The following CDKAL1 variants were observed in gnomAD, a reference collection of about 807,000 sequenced individuals.
The protein encoded by CDKAL1 is CDKAL1 threonylcarbamoyladenosine tRNA methylthiotransferase.
Under a neutral mutation model 68.2 loss-of-function variants are expected in CDKAL1, and 32 were observed. The observed-to-expected ratio is 0.47, with a 90% CI of 0.35 to 0.63. The LOEUF is 0.63. Ranked by LOEUF, CDKAL1 falls within the 30% of genes least tolerant of loss-of-function variation. CDKAL1 has a pLI of 0.00. For synonymous variants in CDKAL1, 234 were observed against 244.3 expected, an observed-to-expected ratio of 0.96 and a Z score of 0.39; for missense variants, 606 against 696.7, an observed-to-expected ratio of 0.87 and a Z score of 1.47.
At chr6:20,874,406 C>T (rs139141718) in intron 9 of CDKAL1, among the ~76,000 whole-genome samples, 6,406 of 151,974 alleles carry the variant, frequency 0.042, 207 homozygotes, top group Admixed American at 0.091. Flanking sequence ...TGGGTTCAGG[C>T]GATTCTCCTG....
At chr6:20,872,133 A>G (rs1198348445) in intron 9 of CDKAL1, among the ~76,000 whole-genome samples, 6 of 152,184 alleles carry the variant, frequency 3.9e-5, no homozygotes, top group Admixed American at 3.9e-4. Flanking sequence ...ATGTTTAAAA[A>G]CATAACCAAC....
chr6:20,958,752 G>A (rs1243317338), intron 10 of CDKAL1, among the ~76,000 whole-genome samples: 1 of 152,150 alleles, frequency 6.6e-6, no homozygotes, highest in Non-Finnish European at 1.5e-5. Flanking sequence ...TGGGAAGACA[G>A]CCTTCTTGTG....
chr6:20,736,757 G>A (rs1336404829), intron 5 of CDKAL1, among the ~76,000 whole-genome samples: 1 of 150,800 alleles, frequency 6.6e-6, no homozygotes, highest in Admixed American at 6.6e-5. Context: ...GGGCCACAGA[G>A]CGAGACTCTG....
At chr6:20,834,985 G>C (rs1440693246) in intron 8 of CDKAL1, among the ~76,000 whole-genome samples, 1 of 152,150 alleles carries the variant, frequency 6.6e-6, no homozygotes. Flanking sequence ...TTGACACACT[G>C]TGTAGTGTTG....
At chr6:21,037,503 A>G (rs1769657424) in intron 11 of CDKAL1, among the ~76,000 whole-genome samples, 1 of 152,224 alleles carries the variant, frequency 6.6e-6, no homozygotes, top group African/African-American at 2.4e-5. Flanking sequence ...TATCAGTTAC[A>G]GGATCTCAAG....
intron 5 of CDKAL1, among the ~76,000 whole-genome samples, chr6:20,730,382 G>GA (rs1448965533): frequency 7.3e-6 from 1 of 137,690 alleles, no homozygotes; most frequent in Non-Finnish European, 1.5e-5. Flanking sequence ...AGCCCGACCC[G>GA]AAAAAAAAGG....
At chr6:20,974,757 T>C (rs775505737) in intron 10 of CDKAL1, among the ~76,000 whole-genome samples, 9 of 151,386 alleles carry the variant, frequency 5.9e-5, no homozygotes, top group Non-Finnish European at 1.3e-4. Flanking sequence ...GGCTGACAGA[T>C]TGCTTGAGCT....
chr6:20,921,170 C>G (rs75528041), intron 9 of CDKAL1, among the ~76,000 whole-genome samples: 1 of 152,196 alleles, frequency 6.6e-6, no homozygotes, highest in African/African-American at 2.4e-5. Flanking sequence ...GTGGCTCATG[C>G]CTGTAATCTC....
intron 13 of CDKAL1, among the ~76,000 whole-genome samples, chr6:21,176,456 C>T (rs893243501): frequency 6.6e-6 from 1 of 152,218 alleles, no homozygotes; most frequent in African/African-American, 2.4e-5. Context: ...AAATATGCAG[C>T]TCATCTCTTC....
At chr6:20,864,553 C>T (rs370906485) in intron 9 of CDKAL1, among the ~76,000 whole-genome samples, 11 of 152,182 alleles carry the variant, frequency 7.2e-5, no homozygotes, top group African/African-American at 2.6e-4. Flanking sequence ...CTAACTGTGA[C>T]TGATAGCAAG....
chr6:21,049,948 A>G (rs539505864), intron 11 of CDKAL1, among the ~76,000 whole-genome samples: 6 of 152,212 alleles, frequency 3.9e-5, no homozygotes, highest in Middle Eastern at 3.4e-3. Flanking sequence ...TTCTCAGAAT[A>G]TTCAGAAATT....
intron 9 of CDKAL1, among the ~76,000 whole-genome samples, chr6:20,863,418 A>T (rs927795910): frequency 1.3e-5 from 2 of 152,034 alleles, no homozygotes; most frequent in African/African-American, 4.8e-5. Flanking sequence ...TTCAGTAAAG[A>T]CCCCTTGGGT....
chr6:20,916,870 C>T (rs1224784131), intron 9 of CDKAL1, among the ~76,000 whole-genome samples: 1 of 151,728 alleles, frequency 6.6e-6, no homozygotes, highest in Non-Finnish European at 1.5e-5. Flanking sequence ...TAAAGTATAC[C>T]AAAACAATAA....
chr6:20,820,452 A>G (rs1161371632), intron 8 of CDKAL1, among the ~76,000 whole-genome samples: 1 of 152,166 alleles, frequency 6.6e-6, no homozygotes, highest in African/African-American at 2.4e-5. Context: ...GCAAATAACT[A>G]TTAAGTAATT....
chr6:21,168,970 T>TA (rs1562088186), intron 13 of CDKAL1, among the ~76,000 whole-genome samples: 1 of 152,178 alleles, frequency 6.6e-6, no homozygotes, highest in Non-Finnish European at 1.5e-5. Flanking sequence ...TTAAGGTAGA[T>TA]ACACCTCCTG....
intron 9 of CDKAL1, among the ~76,000 whole-genome samples, chr6:20,858,924 T>G (rs992450778): frequency 2.6e-5 from 4 of 152,180 alleles, no homozygotes; most frequent in African/African-American, 4.8e-5. Flanking sequence ...TTAAACATTT[T>G]TGCTAGTTTA....
intron 13 of CDKAL1, among the ~76,000 whole-genome samples, chr6:21,136,278 A>G (rs991058325): frequency 1.3e-5 from 2 of 152,216 alleles, no homozygotes; most frequent in African/African-American, 4.8e-5. Context: ...AGTTTTTTAA[A>G]ACTCTCATTC....
At chr6:20,954,869 G>A (rs1336669198) in intron 9 of CDKAL1, among the ~76,000 whole-genome samples, 1 of 152,148 alleles carries the variant, frequency 6.6e-6, no homozygotes, top group African/African-American at 2.4e-5. Flanking sequence ...TTTTTTGAAT[G>A]CAGCAACAAA....
Position 20,982,318 on chromosome 6 carries a change from G to A in CDKAL1, c.910-17909G>A, listed in dbSNP as rs146641912. Among the ~76,000 whole-genome samples, 1,150 of 152,018 alleles carry A rather than the reference G, an allele frequency of 7.6e-3. 13 individuals carry two copies. Among genetic ancestry groups the A allele is most frequent in the Non-Finnish European group, 0.012 (789 of 67,948 alleles). ...AAGCAATCTGCCTGCCTCAGCCTCC[G>A]AAAGTGCTGGGATTACAGACATGAG... On this transcript the variant is annotated intron_variant, in intron 10 of 15. Transcript: ENST00000274695.
Sources: allele counts gnomAD v4.1 joint callset (sites outside exome capture counted in the v4.1 genomes callset), GRCh38; gene constraint gnomAD v4.1.1; transcripts MANE v1.5; gene names NCBI Gene and HGNC (gene_info 2026-07-23, HGNC 2026-07-21).